The following CLASP1 variants were observed in gnomAD, a reference collection of about 807,000 sequenced individuals.
CLASP1 encodes cytoplasmic linker associated protein 1.
A neutral mutation model predicts 192.3 loss-of-function variants in CLASP1; 38 were observed. The ratio of observed to expected loss-of-function variants is 0.20; its 90% confidence interval spans 0.15 to 0.26. The LOEUF (loss-of-function observed/expected upper bound fraction) is 0.26, where lower values mean the gene tolerates loss of function less well. CLASP1 is among the 10% of genes least tolerant of loss of function. The probability of loss-of-function intolerance (pLI) is 1.00; values close to 1 mark genes in which losing one functional copy is unlikely to be tolerated. For synonymous variants in CLASP1, 691 were observed against 712.8 expected, an observed-to-expected ratio of 0.97 and a Z score of 0.49; for missense variants, 1,433 against 1,932.5, an observed-to-expected ratio of 0.74 and a Z score of 4.85.
At chr2:121,458,715 C>A in intron 13 of CLASP1, 125 bp downstream of exon 13, 2 of 707,374 alleles carry the variant, frequency 2.8e-6, no homozygotes, top group South Asian at 3.5e-5. Context: ...TACAAAATTC[C>A]AATATAATTA....
rs2090420528 is a variant in CLASP1 at position 121,470,171 on chromosome 2, A to G, written c.713-211T>C. 6 of 638,036 alleles carry G rather than the reference A, an allele frequency of 9.4e-6. 1 individual carries two copies. Among genetic ancestry groups the G allele is most frequent in the Middle Eastern group, 5.4e-4 (2 of 3,724 alleles). The allele number at this position is 638,036 out of a possible 1,614,324, so 39.5% of individuals were successfully genotyped here. A position where few individuals can be genotyped will look rare whatever the true frequency, so the allele number is the denominator to read the frequency against. Reference sequence around the variant, plus strand: ...AGATCATACTTGCTTTCACATACCCAGAATACTTTTGCACTCAAATTTTGA... The same window carrying G: ...AGATCATACTTGCTTTCACATACCCGGAATACTTTTGCACTCAAATTTTGA... On this transcript the variant is annotated intron_variant, in intron 8 of 39. Coordinates refer to ENST00000263710, the Ensembl canonical transcript of CLASP1.
intron 2 of CLASP1, among the ~76,000 whole-genome samples, chr2:121,549,010 C>T (rs567518284): frequency 6.6e-6 from 1 of 152,268 alleles, no homozygotes; most frequent in Admixed American, 6.5e-5. Flanking sequence ...ACCAGCGATA[C>T]TATAAAGCAG....
At chr2:121,520,455 G>A (rs180867916) in intron 6 of CLASP1, among the ~76,000 whole-genome samples, 286 of 152,310 alleles carry the variant, frequency 1.9e-3, no homozygotes, top group African/African-American at 6.6e-3. Flanking sequence ...CTGGCTCCCA[G>A]GCTGCAACTG....
intron 2 of CLASP1, among the ~76,000 whole-genome samples, chr2:121,547,896 C>T (rs1216135244): frequency 6.6e-6 from 1 of 152,066 alleles, no homozygotes; most frequent in Non-Finnish European, 1.5e-5. Flanking sequence ...AAGACTCAGC[C>T]CTGTGAAAAC....
At chr2:121,340,574 A>T (rs2062679132) in exon 40 of CLASP1, 2 of 320,466 alleles carry the variant, frequency 6.2e-6, no homozygotes, top group Admixed American at 4.5e-5. Flanking sequence ...CACCCCACAC[A>T]CAGGGTTTCG....
At chr2:121,464,372 G>T (rs1451559213) in intron 9 of CLASP1, among the ~76,000 whole-genome samples, 1 of 152,018 alleles carries the variant, frequency 6.6e-6, no homozygotes, top group Non-Finnish European at 1.5e-5. Flanking sequence ...GTAATGGGAT[G>T]GCTGGGTCAA....
At chr2:121,590,247 G>GC (rs2062226240) in intron 2 of CLASP1, among the ~76,000 whole-genome samples, 1 of 152,166 alleles carries the variant, frequency 6.6e-6, no homozygotes, top group South Asian at 2.1e-4. Flanking sequence ...CTTTGAACCA[G>GC]CAATTCAGCC....
chr2:121,611,926 G>A (rs998381580), intron 1 of CLASP1, among the ~76,000 whole-genome samples: 2 of 150,618 alleles, frequency 1.3e-5, no homozygotes, highest in South Asian at 2.1e-4. Flanking sequence ...GGTTGATGAC[G>A]AGTTGTTACA....
intron 14 of CLASP1, among the ~76,000 whole-genome samples, chr2:121,456,075 T>G (rs2149834067): frequency 6.6e-6 from 1 of 152,184 alleles, no homozygotes; most frequent in South Asian, 2.1e-4. Context: ...TCAAGTGTTC[T>G]CACCACAAAA....
chr2:121,581,257 G>GTTTTTTTTTTT (rs1429061024), intron 2 of CLASP1, among the ~76,000 whole-genome samples: 5 of 91,682 alleles, frequency 5.5e-5, no homozygotes, highest in Non-Finnish European at 7.8e-5. Context: ...AAGGCCTTTT[G>GTTTTTTTTTTT]TTCTTTTTTT....
intron 8 of CLASP1, among the ~76,000 whole-genome samples, chr2:121,472,627 G>A (rs1342163371): frequency 6.6e-6 from 1 of 152,218 alleles, no homozygotes; most frequent in Non-Finnish European, 1.5e-5. Context: ...GAGGGTGCTA[G>A]AAATTACAGG....
chr2:121,428,366 G>C (rs1166243381), intron 20 of CLASP1, among the ~76,000 whole-genome samples: 1 of 152,218 alleles, frequency 6.6e-6, no homozygotes, highest in Non-Finnish European at 1.5e-5. Flanking sequence ...CCCACAGAGG[G>C]AAGCAACACT....
At chr2:121,442,792 T>C (rs2083577278) in intron 19 of CLASP1, among the ~76,000 whole-genome samples, 1 of 152,182 alleles carries the variant, frequency 6.6e-6, no homozygotes, top group African/African-American at 2.4e-5. Context: ...AAATTTTTAA[T>C]TTAGAGCATA....
intron 2 of CLASP1, among the ~76,000 whole-genome samples, chr2:121,586,595 T>C (rs950884566): frequency 2.0e-5 from 3 of 152,228 alleles, no homozygotes; most frequent in Admixed American, 6.5e-5. Flanking sequence ...TCTCTATGCG[T>C]TGGCATAAGG....
intron 2 of CLASP1, among the ~76,000 whole-genome samples, chr2:121,539,540 T>C (rs2095181107): frequency 6.6e-6 from 1 of 152,154 alleles, no homozygotes; most frequent in Admixed American, 6.5e-5. Context: ...ATAAACCTTT[T>C]AGAAAATAAC....
At chr2:121,454,943 C>T (rs17006496) in intron 14 of CLASP1, among the ~76,000 whole-genome samples, 32,517 of 152,144 alleles carry the variant, frequency 0.21, 6,839 homozygotes, top group African/African-American at 0.55. Flanking sequence ...CCAAACCTTA[C>T]AGAGGGGTAC....
chr2:121,590,405 G>A lies in CLASP1; in HGVS notation c.195+15296C>T, dbSNP rs144637849. On this transcript the variant is annotated intron_variant, in intron 2 of 39. Transcript: ENST00000263710. ...AGAAAAAGAAATGAAAGCTACAAAT[G>A]TATAGAAGAGAATATTACATTAAAA... is the stretch of plus-strand genomic sequence containing the variant. Among the ~76,000 whole-genome samples, 41 of 152,300 alleles carry A rather than the reference G, an allele frequency of 2.7e-4. No individual in the cohort carries two copies. In the East Asian group the frequency reaches 7.7e-3, roughly 29 times the overall value.
At chr2:121,559,911 C>T (rs1487348118) in intron 2 of CLASP1, among the ~76,000 whole-genome samples, 1 of 151,696 alleles carries the variant, frequency 6.6e-6, no homozygotes, top group Admixed American at 6.6e-5. Context: ...ATCATCATTA[C>T]AATGGCTAAT....
At chr2:121,348,968 C>T (rs577955478) in intron 37 of CLASP1, among the ~76,000 whole-genome samples, 23 of 152,168 alleles carry the variant, frequency 1.5e-4, no homozygotes, top group African/African-American at 4.8e-4. Flanking sequence ...CGGCCGGGCG[C>T]GGTGGCTCAC....
Sources: allele counts gnomAD v4.1 joint callset (sites outside exome capture counted in the v4.1 genomes callset), GRCh38; gene constraint gnomAD v4.1.1; transcripts MANE v1.5; gene names NCBI Gene and HGNC (gene_info 2026-07-23, HGNC 2026-07-21).